RGL1: variants seen among roughly 807,000 people sequenced by gnomAD.
The protein encoded by RGL1 is ral guanine nucleotide dissociation stimulator like 1.
RGL1 carries 24 observed loss-of-function variants against 95.2 expected under a neutral mutation model. The ratio of observed to expected loss-of-function variants is 0.25; its 90% CI spans 0.18 to 0.35. RGL1 has a LOEUF of 0.35. Ranked by LOEUF, RGL1 falls within the 10% of genes least tolerant of loss-of-function variation. The pLI is 1.00. For missense variants in RGL1, 715 were observed against 936.3 expected (o/e 0.76, Z 3.08); for synonymous variants, 329 against 344.9 (o/e 0.95, Z 0.51).
At chr1:183,701,589 C>T (rs1036052543) in intron 1 of RGL1, among the ~76,000 whole-genome samples, 4 of 152,188 alleles carry the variant, frequency 2.6e-5, no homozygotes, top group Non-Finnish European at 5.9e-5. Context: ...CCACCCCACC[C>T]TCCACTGCCT....
At chr1:183,904,468 A>G (rs576710492) in intron 12 of RGL1, among the ~76,000 whole-genome samples, 2 of 152,290 alleles carry the variant, frequency 1.3e-5, no homozygotes, top group Admixed American at 6.5e-5. Context: ...AAATTAATAT[A>G]TTTTATGAAG....
rs576647152 is a variant in RGL1 at position 183,673,317 on chromosome 1, A to C, written c.-33+36816A>C. ...GTTCCTGAACTATATAGGTAGCATA[A>C]ATTTGAAACTCATGTTTGGGGAACC... On this transcript the variant is annotated intron_variant, in intron 1 of 18. Transcript: ENST00000304685. Among the ~76,000 whole-genome samples the C allele has an allele frequency of 1.1e-3, 170 of 152,290 alleles. 5 individuals carry two copies. The South Asian group carries it at 0.034, about 31-fold the overall frequency.
chr1:183,693,294 T>C (rs10911412), intron 1 of RGL1, among the ~76,000 whole-genome samples: 12,900 of 151,958 alleles, frequency 0.085, 1,023 homozygotes, highest in African/African-American at 0.21. Flanking sequence ...CAGAACAAAG[T>C]AAATCCTAAC....
intron 1 of RGL1, among the ~76,000 whole-genome samples, chr1:183,731,045 A>G (rs566518772): frequency 1.8e-4 from 28 of 152,308 alleles, no homozygotes; most frequent in Admixed American, 7.8e-4. Context: ...TCAGTACACA[A>G]TGAAGTTAAC....
chr1:183,671,377 A>G (rs1042328150), intron 1 of RGL1, among the ~76,000 whole-genome samples: 4 of 152,246 alleles, frequency 2.6e-5, no homozygotes, highest in Admixed American at 1.3e-4. Context: ...AAGTTTTATG[A>G]TAAATAAATT....
At chr1:183,815,844 G>A (rs983893739) in intron 2 of RGL1, among the ~76,000 whole-genome samples, 5 of 152,092 alleles carry the variant, frequency 3.3e-5, no homozygotes, top group East Asian at 3.9e-4. Flanking sequence ...TGGGGCTCTC[G>A]TCAGCACCCC....
At chr1:183,737,445 G>C (rs1461189479) in intron 1 of RGL1, among the ~76,000 whole-genome samples, 3 of 152,090 alleles carry the variant, frequency 2.0e-5, no homozygotes, top group Non-Finnish European at 4.4e-5. Flanking sequence ...TAAGCATAGT[G>C]TTAGTAAATA....
At chr1:183,857,120 T>G (rs2102566491) in intron 3 of RGL1, among the ~76,000 whole-genome samples, 1 of 152,126 alleles carries the variant, frequency 6.6e-6, no homozygotes, top group Non-Finnish European at 1.5e-5. Context: ...ATCACAAGGG[T>G]CCTTAAAAAT....
At chr1:183,692,626 A>G (rs1338248153) in intron 1 of RGL1, among the ~76,000 whole-genome samples, 1 of 152,198 alleles carries the variant, frequency 6.6e-6, no homozygotes. Flanking sequence ...TTTTGAATAC[A>G]TTTTGCTATA....
intron 1 of RGL1, among the ~76,000 whole-genome samples, chr1:183,707,120 G>A (rs1349892855): frequency 1.3e-5 from 2 of 152,142 alleles, no homozygotes; most frequent in African/African-American, 2.4e-5. Flanking sequence ...GGCGTCCAGG[G>A]GCCCTGTCTT....
intron 1 of RGL1, among the ~76,000 whole-genome samples, chr1:183,678,131 G>GT (rs899104598): frequency 3.9e-5 from 6 of 152,060 alleles, no homozygotes; most frequent in East Asian, 1.9e-4. Context: ...ACACTGTGCA[G>GT]TTTTTTTTCT....
intron 1 of RGL1, among the ~76,000 whole-genome samples, chr1:183,728,258 C>T (rs1656423304): frequency 1.3e-5 from 2 of 152,124 alleles, no homozygotes; most frequent in Non-Finnish European, 2.9e-5. Context: ...TCTTCTGGTT[C>T]TTAGGTGTAA....
chr1:183,809,826 G>A (rs1661583940), intron 2 of RGL1, among the ~76,000 whole-genome samples: 1 of 152,092 alleles, frequency 6.6e-6, no homozygotes, highest in African/African-American at 2.4e-5. Context: ...GTGTGGTGGT[G>A]TGTGCCTGTA....
intron 1 of RGL1, among the ~76,000 whole-genome samples, chr1:183,731,747 G>A (rs1385522999): frequency 6.6e-6 from 1 of 152,138 alleles, no homozygotes; most frequent in Non-Finnish European, 1.5e-5. Context: ...GTTTCATCTG[G>A]ATGGGGAATT....
intron 14 of RGL1, among the ~76,000 whole-genome samples, chr1:183,911,316 T>C (rs1668628704): frequency 6.6e-6 from 1 of 152,226 alleles, no homozygotes; most frequent in Non-Finnish European, 1.5e-5. Context: ...CTTCCTATGC[T>C]AGTAGAAAGA....
At chr1:183,693,580 CT>C (rs748927461) in intron 1 of RGL1, among the ~76,000 whole-genome samples, 478 of 141,790 alleles carry the variant, frequency 3.4e-3, no homozygotes, top group Admixed American at 4.2e-3. Flanking sequence ...TTCTAGATTA[CT>C]TTTTTTTTTT....
At chr1:183,652,114 T>A (rs892124129) in intron 1 of RGL1, among the ~76,000 whole-genome samples, 2 of 152,236 alleles carry the variant, frequency 1.3e-5, no homozygotes, top group Admixed American at 1.3e-4. Flanking sequence ...TCTTTATTAC[T>A]ATTTCTTAAG....
At chr1:183,804,500 G>A (rs1308358291), upstream of RGL1, among the ~76,000 whole-genome samples, 6 of 152,164 alleles carry the variant, frequency 3.9e-5, no homozygotes, top group African/African-American at 1.4e-4. Flanking sequence ...AACCCATGGT[G>A]GCTACTCACA....
intron 1 of RGL1, among the ~76,000 whole-genome samples, chr1:183,740,633 C>T (rs1016891625): frequency 6.6e-6 from 1 of 152,126 alleles, no homozygotes; most frequent in Admixed American, 6.5e-5. Flanking sequence ...TGAGCAATAT[C>T]GTCTTGCATT....
Sources: gnomAD v4.1 joint callset for allele counts (sites outside exome capture counted in the v4.1 genomes callset) on GRCh38, gnomAD v4.1.1 for gene constraint, MANE v1.5 for transcripts, NCBI Gene and HGNC (gene_info 2026-07-23, HGNC 2026-07-21) for gene names.